The following DDX4 variants were observed in gnomAD, a reference collection of about 807,000 sequenced individuals.
DDX4 encodes DEAD-box helicase 4.
DDX4 carries 25 observed loss-of-function variants against 100.0 expected under a neutral mutation model. The ratio of observed to expected loss-of-function variants is 0.25; its 90% CI spans 0.18 to 0.35. The LOEUF is 0.35. Ranked by LOEUF, DDX4 falls within the 10% of genes least tolerant of loss-of-function variation. The probability of loss-of-function intolerance (pLI) is 1.00; values close to 1 mark genes in which losing one functional copy is unlikely to be tolerated. For synonymous variants in DDX4, 259 were observed against 275.7 expected, an observed-to-expected ratio of 0.94 and a Z score of 0.60; for missense variants, 635 against 882.4, an observed-to-expected ratio of 0.72 and a Z score of 3.55.
chr5:55,744,212 T>C (rs570446053), intron 2 of DDX4, among the ~76,000 whole-genome samples: 1 of 152,198 alleles, frequency 6.6e-6, no homozygotes, highest in African/African-American at 2.4e-5. Flanking sequence ...AGCAAATAGA[T>C]GTTACCTAAA....
intron 7 of DDX4, among the ~76,000 whole-genome samples, chr5:55,770,618 C>T (rs1160166528): frequency 6.6e-6 from 1 of 152,124 alleles, no homozygotes; most frequent in Admixed American, 6.5e-5. Context: ...GTTTTTACCG[C>T]ACCTTGGAGA....
At chr5:55,784,451 G>T (rs1332975851) in intron 10 of DDX4, among the ~76,000 whole-genome samples, 1 of 152,134 alleles carries the variant, frequency 6.6e-6, no homozygotes, top group Non-Finnish European at 1.5e-5. Flanking sequence ...CACCTTCACA[G>T]ACATACCCAG....
chr5:55,794,004 A>G (rs1400506435), intron 17 of DDX4, among the ~76,000 whole-genome samples: 1 of 152,088 alleles, frequency 6.6e-6, no homozygotes, highest in African/African-American at 2.4e-5. Context: ...ACCCTTGAAT[A>G]GTGGTGCTGG....
At chr5:55,797,925 G>A (rs546774133) in intron 17 of DDX4, among the ~76,000 whole-genome samples, 1 of 152,288 alleles carries the variant, frequency 6.6e-6, no homozygotes, top group Non-Finnish European at 1.5e-5. Flanking sequence ...GACAGACAGA[G>A]CACTGACCTA....
intron 3 of DDX4, among the ~76,000 whole-genome samples, chr5:55,753,492 C>T (rs1459385219): frequency 7.9e-5 from 12 of 152,076 alleles, no homozygotes; most frequent in African/African-American, 1.9e-4. Flanking sequence ...AGATATGCTG[C>T]GTTATTTCTG....
intron 17 of DDX4, among the ~76,000 whole-genome samples, chr5:55,795,846 G>A (rs920288900): frequency 3.3e-5 from 5 of 152,184 alleles, no homozygotes; most frequent in African/African-American, 1.2e-4. Flanking sequence ...GATATAAAAG[G>A]AAGTTTATTA....
chr5:55,756,691 G>C (rs62361890), intron 3 of DDX4, among the ~76,000 whole-genome samples: 1 of 152,092 alleles, frequency 6.6e-6, no homozygotes, highest in African/African-American at 2.4e-5. Flanking sequence ...TTTGGTCCAA[G>C]TGTAACTATA....
chr5:55,808,879 G>C (rs1358291719), intron 18 of DDX4, among the ~76,000 whole-genome samples: 1 of 152,208 alleles, frequency 6.6e-6, no homozygotes, highest in African/African-American at 2.4e-5. Flanking sequence ...AGAGGATTCT[G>C]CTGCCTTTTG....
At chr5:55,771,364 A>G (rs907591058) in intron 7 of DDX4, among the ~76,000 whole-genome samples, 47 of 152,138 alleles carry the variant, frequency 3.1e-4, no homozygotes, top group African/African-American at 8.4e-4. Context: ...AATTTCGTCT[A>G]TTTTTATACT....
intron 3 of DDX4, among the ~76,000 whole-genome samples, chr5:55,751,946 G>C (rs1415713311): frequency 1.3e-5 from 2 of 151,868 alleles, no homozygotes; most frequent in African/African-American, 4.8e-5. Flanking sequence ...CATCCTTTTT[G>C]AATCATGGTG....
intron 7 of DDX4, among the ~76,000 whole-genome samples, chr5:55,768,494 A>G (rs1242799596): frequency 6.6e-6 from 1 of 152,188 alleles, no homozygotes; most frequent in Non-Finnish European, 1.5e-5. Context: ...TCCATGGCGC[A>G]TATATACCAC....
chr5:55,781,902 A>G, intron 9 of DDX4, 32 bp from the exon 10 acceptor site: 1 of 1,612,634 alleles, frequency 6.2e-7, no homozygotes, highest in South Asian at 1.1e-5. Context: ...GCTGTGTTTT[A>G]TCTAAATATG....
At chr5:55,765,869 G>C (rs1032072411) in intron 6 of DDX4, among the ~76,000 whole-genome samples, 4 of 152,004 alleles carry the variant, frequency 2.6e-5, no homozygotes, top group Admixed American at 6.5e-5. Context: ...CAGTGGTACA[G>C]TCTTGGCTCA....
intron 10 of DDX4, chr5:55,782,202 A>G (rs934748372): frequency 1.1e-5 from 6 of 543,542 alleles, no homozygotes; most frequent in Non-Finnish European, 1.6e-5. Flanking sequence ...CAATTCCATT[A>G]TAGGAATTAT....
intron 10 of DDX4, chr5:55,782,371 T>G: frequency 5.6e-6 from 1 of 178,164 alleles, no homozygotes. Context: ...TTCGGAGGCC[T>G]AGGCAGGCAG....
At chr5:55,768,065 TA>T in intron 7 of DDX4, 125 bp downstream of exon 7, 1 of 853,410 alleles carries the variant, frequency 1.2e-6, no homozygotes, top group Non-Finnish European at 2.0e-6. Context: ...TACTTTGGTA[TA>T]TGTTTTCTGC....
At chr5:55,782,097 G>A in intron 10 of DDX4, 116 bp downstream of exon 10, 2 of 1,214,296 alleles carry the variant, frequency 1.6e-6, no homozygotes, top group Non-Finnish European at 2.3e-6. Context: ...AAAGGTAACT[G>A]TTATTGCTTT....
chr5:55,785,098 A>C (rs893820740), intron 10 of DDX4, among the ~76,000 whole-genome samples, 199 bp from the exon 11 acceptor site: 1 of 152,208 alleles, frequency 6.6e-6, no homozygotes, highest in Non-Finnish European at 1.5e-5. Context: ...GTAATATGTA[A>C]TAGTCTCCTC....
At chr5:55,772,179 C>G (rs1328179214) in intron 7 of DDX4, among the ~76,000 whole-genome samples, 1 of 152,148 alleles carries the variant, frequency 6.6e-6, no homozygotes, top group African/African-American at 2.4e-5. Context: ...CCACTGCACT[C>G]CAGCCTGGGC....
Sources: gnomAD v4.1 joint callset for allele counts (sites outside exome capture counted in the v4.1 genomes callset) on GRCh38, gnomAD v4.1.1 for gene constraint, MANE v1.5 for transcripts, NCBI Gene and HGNC (gene_info 2026-07-23, HGNC 2026-07-21) for gene names.